Variants in NOS1AP observed in about 807,000 individuals in gnomAD.
The protein encoded by NOS1AP is nitric oxide synthase 1 adaptor protein, also known as carboxyl-terminal PDZ ligand of neuronal nitric oxide synthase protein.
NOS1AP carries 21 observed loss-of-function variants against 56.2 expected under a neutral mutation model. The observed-to-expected ratio is 0.37, with a 90% CI of 0.26 to 0.54. The LOEUF (loss-of-function observed/expected upper bound fraction) is 0.54. NOS1AP is among the 20% of genes least tolerant of loss of function. The pLI is 0.84. For synonymous variants in NOS1AP, 270 were observed against 274.6 expected (o/e 0.98, Z 0.17); for missense variants, 522 against 657.8 (o/e 0.79, Z 2.26).
At chr1:162,173,364 A>G (rs1650896811) in intron 2 of NOS1AP, among the ~76,000 whole-genome samples, 1 of 152,188 alleles carries the variant, frequency 6.6e-6, no homozygotes, top group Non-Finnish European at 1.5e-5. Context: ...CTGGCTAGCC[A>G]TATGTAGAAA....
At chr1:162,107,843 C>T (rs887649537) in intron 1 of NOS1AP, among the ~76,000 whole-genome samples, 11 of 152,120 alleles carry the variant, frequency 7.2e-5, no homozygotes, top group African/African-American at 2.2e-4. Context: ...ACACTGTAGG[C>T]TGTTTTTAAA....
chr1:162,312,362 T>C (rs1243512654), intron 4 of NOS1AP, among the ~76,000 whole-genome samples: 1 of 142,534 alleles, frequency 7.0e-6, no homozygotes, highest in Admixed American at 7.1e-5. Flanking sequence ...CATGTGTTTT[T>C]TGGCTGCATA....
intron 2 of NOS1AP, among the ~76,000 whole-genome samples, chr1:162,264,490 C>CCTCCT (rs1273843204): frequency 3.7e-5 from 3 of 81,270 alleles, no homozygotes; most frequent in South Asian, 1.2e-3. Flanking sequence ...CCTCCCCTCT[C>CCTCCT]CTCCTCTCCT....
chr1:162,279,378 G>A (rs150662694), intron 2 of NOS1AP, among the ~76,000 whole-genome samples: 1,588 of 152,252 alleles, frequency 0.01, 24 homozygotes, highest in African/African-American at 0.036. Context: ...TGAGGCTGCC[G>A]CTGCCTTCCA....
At chr1:162,312,742 G>A (rs1231335368) in intron 4 of NOS1AP, among the ~76,000 whole-genome samples, 1 of 152,104 alleles carries the variant, frequency 6.6e-6, no homozygotes, top group Non-Finnish European at 1.5e-5. Context: ...TAAAATACTG[G>A]CAAAACGAAT....
chr1:162,082,586 C>A (rs2102016109), intron 1 of NOS1AP, among the ~76,000 whole-genome samples: 1 of 152,306 alleles, frequency 6.6e-6, no homozygotes, highest in South Asian at 2.1e-4. Flanking sequence ...TTCTTTACAA[C>A]CTTGCCAACA....
chr1:162,210,298 G>A (rs1427855614), intron 2 of NOS1AP, among the ~76,000 whole-genome samples: 1 of 152,120 alleles, frequency 6.6e-6, no homozygotes, highest in Non-Finnish European at 1.5e-5. Flanking sequence ...CAAGAGCACG[G>A]TGACTTCTCC....
intron 1 of NOS1AP, among the ~76,000 whole-genome samples, chr1:162,096,440 A>G (rs1179219772): frequency 6.6e-6 from 1 of 152,242 alleles, no homozygotes; most frequent in East Asian, 1.9e-4. Context: ...TATTTCAGGC[A>G]TACAAAAATA....
chr1:162,336,839 CA>C (rs1656956188), intron 5 of NOS1AP, among the ~76,000 whole-genome samples: 1 of 152,130 alleles, frequency 6.6e-6, no homozygotes, highest in Non-Finnish European at 1.5e-5. Context: ...CTTTAAGGAA[CA>C]AATTCTCTGT....
intron 1 of NOS1AP, among the ~76,000 whole-genome samples, chr1:162,128,603 C>T (rs1415963660): frequency 6.6e-6 from 1 of 152,118 alleles, no homozygotes; most frequent in Non-Finnish European, 1.5e-5. Context: ...GTATTCCAAA[C>T]CTAAGTGTAT....
intron 2 of NOS1AP, among the ~76,000 whole-genome samples, chr1:162,178,254 A>G (rs1651131678): frequency 6.6e-6 from 1 of 152,162 alleles, no homozygotes; most frequent in African/African-American, 2.4e-5. Flanking sequence ...CACCTACTGA[A>G]GGACATTTTG....
rs1204873501 is a variant in NOS1AP, at chr1:162,292,371, G to T, written c.270+4935G>T. ...CTGATGTAAGTAGTTACACACTAAG[G>T]TGATAATGAGAACAGCTAATAGTAA... is the stretch of plus-strand genomic sequence containing the variant. On this transcript the variant is annotated intron_variant, in intron 3 of 9. Coordinates refer to ENST00000361897, the MANE Select transcript of NOS1AP (RefSeq NM_014697.3). 2.0e-5 allele frequency among the ~76,000 whole-genome samples: 3 copies of T among 152,218 alleles called. No homozygotes were observed. In the East Asian group the frequency reaches 5.8e-4, roughly 29 times the overall value.
In NOS1AP at chr1:162,356,128, GT is replaced by G. The variant is rs1638586589; in HGVS notation, c.762+778del. Among the ~76,000 whole-genome samples, 3 of 152,250 alleles carry G rather than the reference GT, an allele frequency of 2.0e-5. No homozygotes were observed. In the South Asian group the frequency reaches 6.2e-4, roughly 32 times the overall value. ...TTCAGTTCTAAACTAGCTGCCTGAC[GT>G]TTCCTTTGGAACCAGTTTATCCTCT... is the stretch of plus-strand genomic sequence containing the variant. On this transcript the variant is annotated intron_variant, in intron 7 of 9. Coordinates refer to ENST00000361897, the MANE Select transcript of NOS1AP (RefSeq NM_014697.3).
At chr1:162,169,854 G>C (rs985842982) in intron 2 of NOS1AP, among the ~76,000 whole-genome samples, 1 of 152,194 alleles carries the variant, frequency 6.6e-6, no homozygotes, top group Non-Finnish European at 1.5e-5. Context: ...CAGAAACCCA[G>C]TTCTCTGGCC....
At chr1:162,120,583 C>T (rs1395227140) in intron 1 of NOS1AP, among the ~76,000 whole-genome samples, 1 of 152,204 alleles carries the variant, frequency 6.6e-6, no homozygotes, top group African/African-American at 2.4e-5. Flanking sequence ...TATGTGGCGA[C>T]AGGCAAGAGA....
intron 8 of NOS1AP, among the ~76,000 whole-genome samples, chr1:162,362,408 T>C (rs150788702): frequency 0.046 from 6,768 of 148,724 alleles, 241 homozygotes; most frequent in South Asian, 0.14. Flanking sequence ...CTGAGATCAT[T>C]CCACTGCACT....
intron 2 of NOS1AP, among the ~76,000 whole-genome samples, chr1:162,249,184 G>A (rs958332754): frequency 6.6e-6 from 1 of 152,278 alleles, no homozygotes; most frequent in African/African-American, 2.4e-5. Context: ...CCAAAGGTGG[G>A]GGATGGTGGG....
At chr1:162,332,219 C>T (rs1263859337) in intron 4 of NOS1AP, among the ~76,000 whole-genome samples, 1 of 152,210 alleles carries the variant, frequency 6.6e-6, no homozygotes, top group Non-Finnish European at 1.5e-5. Context: ...GCCCAGGTGT[C>T]TCAGTGACTG....
chr1:162,245,941 T>C (rs1253272120), intron 2 of NOS1AP, among the ~76,000 whole-genome samples: 3 of 152,244 alleles, frequency 2.0e-5, no homozygotes, highest in Non-Finnish European at 4.4e-5. Flanking sequence ...AACTGCTAGC[T>C]CCTTTAAAGC....
Sources: allele counts gnomAD v4.1 joint callset (sites outside exome capture counted in the v4.1 genomes callset), GRCh38; gene constraint gnomAD v4.1.1; transcripts MANE v1.5; gene names NCBI Gene and HGNC (gene_info 2026-07-23, HGNC 2026-07-21).